FARS2: variants seen among roughly 807,000 people sequenced by gnomAD.
FARS2 encodes phenylalanine--tRNA ligase, mitochondrial.
Under a neutral mutation model 46.4 loss-of-function variants are expected in FARS2, and 40 were observed. The observed-to-expected ratio is 0.86, with a 90% confidence interval of 0.67 to 1.12. The LOEUF is 1.12. FARS2 is among the 50% of genes most tolerant of loss of function. The pLI, the probability that FARS2 is intolerant of heterozygous loss-of-function variation, is 0.00. For missense variants in FARS2, 513 were observed against 567.9 expected (o/e 0.90, Z 0.98); for synonymous variants, 234 against 214.9 (o/e 1.09, Z -0.78).
At chr6:5,723,856 T>C (rs761816386) in intron 6 of FARS2, among the ~76,000 whole-genome samples, 3 of 152,224 alleles carry the variant, frequency 2.0e-5, no homozygotes, top group Admixed American at 6.5e-5. Context: ...TGGGCCAAAC[T>C]GTGCCTTGAA....
At chr6:5,330,443 T>C (rs762138675) in intron 1 of FARS2, among the ~76,000 whole-genome samples, 2 of 152,174 alleles carry the variant, frequency 1.3e-5, no homozygotes, top group Non-Finnish European at 2.9e-5. Flanking sequence ...GTGTTTCTTA[T>C]GCTGGCTCCA....
intron 3 of FARS2, among the ~76,000 whole-genome samples, chr6:5,412,894 C>G (rs1226645520): frequency 2.0e-5 from 3 of 151,848 alleles, no homozygotes; most frequent in Admixed American, 1.3e-4. Context: ...CTCGCCGTAG[C>G]TTAGATGTAG....
intron 6 of FARS2, among the ~76,000 whole-genome samples, chr6:5,739,457 TAAAAAAC>T (rs1422149790): frequency 1.3e-5 from 2 of 152,184 alleles, no homozygotes; most frequent in Non-Finnish European, 2.9e-5. Context: ...GAAGCAATAA[TAAAAAAC>T]AAAATAAAGC....
chr6:5,759,688 T>G (rs1431022317), intron 6 of FARS2, among the ~76,000 whole-genome samples: 1 of 152,110 alleles, frequency 6.6e-6, no homozygotes, highest in Non-Finnish European at 1.5e-5. Context: ...TAGAGGAGTT[T>G]GAAGGGCTAT....
chr6:5,301,802 TACACACACACACAC>T (rs143654686), intron 1 of FARS2, among the ~76,000 whole-genome samples: 1,734 of 132,412 alleles, frequency 0.013, 33 homozygotes, highest in African/African-American at 0.04. Flanking sequence ...CACACACACA[TACACACACACACAC>T]ACACACACAC....
chr6:5,345,786 T>C (rs1305356403), intron 1 of FARS2, among the ~76,000 whole-genome samples: 2 of 152,222 alleles, frequency 1.3e-5, no homozygotes, highest in African/African-American at 4.8e-5. Context: ...ACAGCTCCTG[T>C]TGGGTTATAC....
chr6:5,273,730 A>T (rs1281674679), intron 1 of FARS2, among the ~76,000 whole-genome samples: 3 of 152,182 alleles, frequency 2.0e-5, no homozygotes, highest in Non-Finnish European at 4.4e-5. Context: ...TGAGGTCTTC[A>T]CAAAAAATCT....
chr6:5,767,393 G>A (rs1358600397), intron 6 of FARS2, among the ~76,000 whole-genome samples: 1 of 152,118 alleles, frequency 6.6e-6, no homozygotes, highest in Admixed American at 6.5e-5. Flanking sequence ...TCATCTTTTG[G>A]CAATTGTGAA....
At chr6:5,331,801 A>G (rs1450474334) in intron 1 of FARS2, among the ~76,000 whole-genome samples, 1 of 152,166 alleles carries the variant, frequency 6.6e-6, no homozygotes, top group East Asian at 1.9e-4. Context: ...TCACACCTCT[A>G]TAGTCGCTGG....
intron 4 of FARS2, among the ~76,000 whole-genome samples, chr6:5,485,671 A>G (rs1158081996): frequency 7.2e-5 from 11 of 152,198 alleles, no homozygotes; most frequent in Admixed American, 7.2e-4. Context: ...CTTTTAACAA[A>G]TGTAAAAAAC....
chr6:5,607,317 GTGTGTGTGTGTGTA>G (rs1774900531), intron 5 of FARS2, among the ~76,000 whole-genome samples: 2 of 85,298 alleles, frequency 2.3e-5, no homozygotes, highest in African/African-American at 8.7e-5. Flanking sequence ...GTGTGTGTGT[GTGTGTGTGTGTGTA>G]TTTCTTAAAG....
intron 1 of FARS2, among the ~76,000 whole-genome samples, chr6:5,296,317 A>G (rs1187795959): frequency 6.6e-6 from 1 of 151,206 alleles, no homozygotes; most frequent in Non-Finnish European, 1.5e-5. Context: ...AATTTTTTGT[A>G]TTTTTAGTAG....
rs997222765 is a variant in FARS2, at chr6:5,462,273, G to A, written c.904+31101G>A. On this transcript the variant is annotated intron_variant, in intron 4 of 6. Coordinates refer to ENST00000274680, the MANE Select transcript of FARS2 (RefSeq NM_006567.5). The stretch of plus-strand genomic sequence containing the variant: ...TTTGTCTTATTATTCAGTTGTAAGA[G>A]TTCTTTATATATTCTAGATATAAGA... Among the ~76,000 whole-genome samples the A allele has an allele frequency of 1.1e-3, 168 of 152,114 alleles. 1 individual carries two copies. Among genetic ancestry groups the A allele is most frequent in the African/African-American group, 3.9e-3 (163 of 41,520 alleles).
At chr6:5,337,188 G>GTATA (rs35240833) in intron 1 of FARS2, among the ~76,000 whole-genome samples, 24,952 of 148,290 alleles carry the variant, frequency 0.17, 2,465 homozygotes, top group East Asian at 0.49. Context: ...TATGTAATAT[G>GTATA]TATATATATA....
intron 6 of FARS2, among the ~76,000 whole-genome samples, chr6:5,632,563 T>TCCTTTCCCTTCCTCCTTCC (rs1776342366): frequency 6.6e-6 from 1 of 151,488 alleles, no homozygotes; most frequent in South Asian, 2.1e-4. Flanking sequence ...CTTCCCTTCT[T>TCCTTTCCCTTCCTCCTTCC]CCTTTCCCTT....
intron 6 of FARS2, among the ~76,000 whole-genome samples, chr6:5,719,192 G>A (rs1399361335): frequency 2.0e-5 from 3 of 151,934 alleles, no homozygotes; most frequent in African/African-American, 2.4e-5. Flanking sequence ...AGACCAGCCC[G>A]GGCAACAAGG....
At chr6:5,256,976 T>A (rs1159588447), upstream of FARS2, among the ~76,000 whole-genome samples, 1 of 152,176 alleles carries the variant, frequency 6.6e-6, no homozygotes, top group East Asian at 1.9e-4. Context: ...TAATGATTTA[T>A]CAAATACAAC....
intron 2 of FARS2, among the ~76,000 whole-genome samples, chr6:5,387,921 G>A (rs746652342): frequency 6.6e-6 from 1 of 152,084 alleles, no homozygotes; most frequent in Non-Finnish European, 1.5e-5. Flanking sequence ...AATAGTTCTA[G>A]GTTTACAGAA....
chr6:5,500,933 CGAGAGAGAGAGAGAGA>C (rs58128430), intron 4 of FARS2, among the ~76,000 whole-genome samples: 7 of 143,646 alleles, frequency 4.9e-5, no homozygotes, highest in African/African-American at 1.8e-4. Flanking sequence ...TTCAAATCCC[CGAGAGAGAGAGAGAGA>C]GAGAGAGAGA....
Sources: gnomAD v4.1 joint callset for allele counts (sites outside exome capture counted in the v4.1 genomes callset) on GRCh38, gnomAD v4.1.1 for gene constraint, MANE v1.5 for transcripts, NCBI Gene and HGNC (gene_info 2026-07-23, HGNC 2026-07-21) for gene names.